The following CEP350 variants were observed in gnomAD, a reference collection of about 807,000 sequenced individuals.
CEP350 encodes the protein centrosome-associated protein 350.
Under a neutral mutation model 331.8 loss-of-function variants are expected in CEP350, and 126 were observed. The ratio of observed to expected loss-of-function variants is 0.38; its 90% CI spans 0.33 to 0.44. The LOEUF is 0.44. Among genes scored for constraint, CEP350 ranks in the 20% least tolerant of loss-of-function variants. The probability of loss-of-function intolerance (pLI) is 1.00; values close to 1 mark genes in which losing one functional copy is unlikely to be tolerated. For missense variants in CEP350, 3,406 were observed against 3,634.6 expected (o/e 0.94, Z 1.62); for synonymous variants, 1,200 against 1,259.5 (o/e 0.95, Z 1.00).
intron 22 of CEP350, among the ~76,000 whole-genome samples, chr1:180,050,812 T>C (rs1279834330): frequency 6.6e-6 from 1 of 151,594 alleles, no homozygotes; most frequent in African/African-American, 2.4e-5. Context: ...GTCTTCAACA[T>C]CGTATATCAT....
chr1:180,081,079 G>A (rs1429554011), intron 30 of CEP350, among the ~76,000 whole-genome samples: 1 of 151,792 alleles, frequency 6.6e-6, no homozygotes, highest in Non-Finnish European at 1.5e-5. Flanking sequence ...CGTTGGCCAG[G>A]CTGGTCTCAA....
chr1:180,053,229 A>G, intron 23 of CEP350, 63 bp downstream of exon 23: 1 of 814,262 alleles, frequency 1.2e-6, no homozygotes, highest in Non-Finnish European at 1.8e-6. Context: ...AGATATGAGA[A>G]AACATTTTGT....
chr1:180,108,337 T>A (rs1219567408), intron 37 of CEP350, among the ~76,000 whole-genome samples: 1 of 152,140 alleles, frequency 6.6e-6, no homozygotes, highest in African/African-American at 2.4e-5. Flanking sequence ...AGATTTAATA[T>A]TACAGGCCAA....
At chr1:180,021,835 A>G (rs951194388) in intron 12 of CEP350, among the ~76,000 whole-genome samples, 4 of 152,208 alleles carry the variant, frequency 2.6e-5, no homozygotes, top group Non-Finnish European at 4.4e-5. Context: ...ACAATAATGT[A>G]GCTATATATT....
chr1:180,063,782 C>T lies in CEP350; in HGVS notation c.5410-1333C>T, dbSNP rs190451285. On this transcript the variant is annotated intron_variant, in intron 26 of 37. Transcript: ENST00000367607. ...AAGCTGTGACCACACCACTGCACTC[C>T]AGCCTAGGTGATAAAGCAAGACCCT... 1.4e-3 allele frequency among the ~76,000 whole-genome samples: 203 copies of T among 150,238 alleles called. 1 individual carries two copies. Among genetic ancestry groups the T allele is most frequent in the African/African-American group, 4.7e-3 (194 of 41,166 alleles).
chr1:180,087,872 T>C (rs1659955072), intron 32 of CEP350, among the ~76,000 whole-genome samples, 155 bp downstream of exon 32: 1 of 152,182 alleles, frequency 6.6e-6, no homozygotes, highest in African/African-American at 2.4e-5. Flanking sequence ...TTGTTACATA[T>C]TATAATTAAA....
chr1:180,087,508 T>C (rs1553265515), intron 31 of CEP350, 70 bp from the exon 32 acceptor site: 2 of 1,331,820 alleles, frequency 1.5e-6, no homozygotes, highest in South Asian at 1.5e-5. Flanking sequence ...CCTTAAAATA[T>C]ACTATTTTAT....
intron 29 of CEP350, among the ~76,000 whole-genome samples, chr1:180,080,103 C>G (rs1243589650): frequency 6.6e-6 from 1 of 152,150 alleles, no homozygotes; most frequent in East Asian, 1.9e-4. Flanking sequence ...CTTTTGTTCT[C>G]TTGTGGGCAA....
rs138301122 is a variant in CEP350 at position 180,041,952 on chromosome 1, G to A, written c.4362+150G>A. 432 of 673,312 alleles carry A rather than the reference G, an allele frequency of 6.4e-4. 4 individuals are homozygous for A. The East Asian group carries it at 0.012, about 18-fold the overall frequency. The allele number at this position is 673,312 out of a possible 1,614,324, so 41.7% of individuals were successfully genotyped here. Reference sequence around the variant, plus strand: ...GGGCCATACCCTATTGAAATAAGAGGCACCATTGATTGGAGTGTGTTGTAC... The same window carrying A: ...GGGCCATACCCTATTGAAATAAGAGACACCATTGATTGGAGTGTGTTGTAC... On this transcript the variant is annotated intron_variant, in intron 19 of 37. Coordinates refer to ENST00000367607, the MANE Select transcript of CEP350 (RefSeq NM_014810.5).
At chr1:180,087,475 T>A in intron 31 of CEP350, 103 bp from the exon 32 acceptor site, 9 of 1,079,494 alleles carry the variant, frequency 8.3e-6, no homozygotes, top group Non-Finnish European at 1.2e-5. Context: ...ATATTACATC[T>A]TCTTTACTGT....
At chr1:179,991,998 C>T (rs1229958363) in intron 4 of CEP350, 64 bp from the exon 5 acceptor site, 2 of 1,422,142 alleles carry the variant, frequency 1.4e-6, no homozygotes, top group African/African-American at 1.5e-5. Flanking sequence ...TTTAAGATAC[C>T]AGCCTAATTC....
intron 26 of CEP350, among the ~76,000 whole-genome samples, chr1:180,063,965 C>T (rs1658394645): frequency 6.6e-6 from 1 of 152,122 alleles, no homozygotes; most frequent in Non-Finnish European, 1.5e-5. Flanking sequence ...ACAAAAAATT[C>T]TATTATCCTG....
chr1:180,013,960 A>C lies in CEP350; in HGVS notation c.1507A>C (p.Lys503Gln), dbSNP rs1208799330. 2.5e-6 allele frequency: 4 copies of C among 1,613,840 alleles called. No homozygotes were observed. The East Asian group carries it at 8.9e-5, about 36-fold the overall frequency. ...ATCTCGGTCTGAAAATAATATAAAG[A>C]AACTAGCTTCATCTCTTCCAGATAA... is the stretch of plus-strand genomic sequence containing the variant. ...SKSRSENNIKKLASSLPDNKQ... is the reference protein window; with the variant it reads ...SKSRSENNIKQLASSLPDNKQ... The change falls in exon 10 of 38, where the codon AAA (lysine) becomes CAA (glutamine). Residue 503 changes from lysine to glutamine, a missense_variant. Physicochemically the swap from Lys to Gln is moderately conservative, Grantham distance 53. Around this residue, in one of 5 missense-constraint regions of CEP350, gnomAD observed 1,857 missense variants for 1,909.2 expected, o/e 0.97. Coordinates refer to ENST00000367607, the MANE Select transcript of CEP350 (RefSeq NM_014810.5).
intron 16 of CEP350, among the ~76,000 whole-genome samples, chr1:180,034,850 A>G (rs1162833326): frequency 6.6e-6 from 1 of 152,138 alleles, no homozygotes; most frequent in East Asian, 1.9e-4. Context: ...CTAACCCTAC[A>G]ATGGTCTCTA....
intron 19 of CEP350, 52 bp downstream of exon 19, chr1:180,041,854 G>C: frequency 6.5e-7 from 1 of 1,526,944 alleles, no homozygotes; most frequent in Non-Finnish European, 8.9e-7. Context: ...GTCAATCTGA[G>C]TAACTTTGAT....
chr1:179,955,016 G>A lies in CEP350; in HGVS notation c.-140G>A, dbSNP rs1650058387. 43 of 1,316,664 alleles carry A rather than the reference G, an allele frequency of 3.3e-5. No individual in the cohort carries two copies. The highest frequency in any genetic ancestry group is 4.2e-5 in the Non-Finnish European group (43 of 1,029,568). 81.6% of individuals were successfully genotyped at this position (1,316,664 alleles called of 1,614,324 possible). A position where few individuals can be genotyped will look rare whatever the true frequency, so the allele number is the denominator to read the frequency against. On this transcript the variant is annotated 5_prime_UTR_variant, in exon 1 of 38. Transcript: ENST00000367607. ...CGGAGCCGGTGCGAGGAGGGCACCC[G>A]GTGCGTCCCCGGAGCGGGGAGGCCA...
intron 1 of CEP350, among the ~76,000 whole-genome samples, chr1:179,955,739 A>T (rs2148506792): frequency 6.6e-6 from 1 of 152,378 alleles, no homozygotes. Flanking sequence ...ACAAGATATG[A>T]ATTGGAATTT....
intron 1 of CEP350, 47 bp downstream of exon 1, chr1:179,955,189 C>G: frequency 1.4e-5 from 18 of 1,304,234 alleles, no homozygotes; most frequent in Non-Finnish European, 1.8e-5. Flanking sequence ...CTCGCTCAGC[C>G]TCAACTGTCT....
chr1:180,015,425 G>A (rs1392013908), intron 10 of CEP350, among the ~76,000 whole-genome samples: 2 of 151,990 alleles, frequency 1.3e-5, no homozygotes, highest in Non-Finnish European at 2.9e-5. Flanking sequence ...TATTAGAGAC[G>A]GGGTTTTACT....
Sources: allele counts gnomAD v4.1 joint callset (sites outside exome capture counted in the v4.1 genomes callset), GRCh38; gene constraint gnomAD v4.1.1; regional missense constraint gnomAD v4.1.1; transcripts MANE v1.5; gene names NCBI Gene and HGNC (gene_info 2026-07-23, HGNC 2026-07-21).